Variants in NELL1 observed in about 807,000 individuals in gnomAD.
The protein encoded by NELL1 is protein kinase C-binding protein NELL1.
NELL1 carries 76 observed loss-of-function variants against 107.4 expected under a neutral mutation model. The observed-to-expected ratio is 0.71, with a 90% confidence interval of 0.59 to 0.86. The LOEUF is 0.86. NELL1 is among the 40% of genes least tolerant of loss of function. NELL1 has a pLI of 0.00. For synonymous variants in NELL1, 353 were observed against 341.2 expected (o/e 1.03, Z -0.38); for missense variants, 1,024 against 1,005.5 (o/e 1.02, Z -0.25).
chr11:21,309,280 G>GAA (rs1849683850), intron 14 of NELL1, among the ~76,000 whole-genome samples: 3 of 108,618 alleles, frequency 2.8e-5, no homozygotes, highest in Non-Finnish European at 5.7e-5. Flanking sequence ...ATATATATAT[G>GAA]TATATATATA....
At chr11:20,973,416 A>G (rs1158366243) in intron 12 of NELL1, among the ~76,000 whole-genome samples, 1 of 152,076 alleles carries the variant, frequency 6.6e-6, no homozygotes, top group Non-Finnish European at 1.5e-5. Context: ...CCTCTTCGTT[A>G]CTTTTTCTTA....
At chr11:21,439,954 G>T (rs1435370731) in intron 15 of NELL1, among the ~76,000 whole-genome samples, 1 of 152,006 alleles carries the variant, frequency 6.6e-6, no homozygotes, top group African/African-American at 2.4e-5. Context: ...TGCAGATAAA[G>T]AAAATAATGA....
At chr11:20,979,503 A>G (rs1851706759) in intron 12 of NELL1, among the ~76,000 whole-genome samples, 1 of 152,188 alleles carries the variant, frequency 6.6e-6, no homozygotes, top group Admixed American at 6.5e-5. Flanking sequence ...TTGCTCTGAA[A>G]TAATACCTGC....
chr11:21,003,509 G>A (rs1852268097), intron 12 of NELL1, among the ~76,000 whole-genome samples: 1 of 152,094 alleles, frequency 6.6e-6, no homozygotes. Flanking sequence ...TTTATTTTGT[G>A]GTACAGAGAC....
intron 11 of NELL1, among the ~76,000 whole-genome samples, chr11:20,956,224 A>G (rs890471566): frequency 1.3e-5 from 2 of 151,994 alleles, no homozygotes; most frequent in South Asian, 2.1e-4. Flanking sequence ...GTCTCAAAAC[A>G]AAACAAAACA....
In NELL1 at chr11:21,521,576, A is replaced by G. The variant is rs1564938424; in HGVS notation, c.1646-12798A>G. ...TAGAGGTTAAAATCTCTAGATTTGT[A>G]TTTTTTTCCTTTTGGTTCTTTTATT... On this transcript the variant is annotated intron_variant, in intron 15 of 19. Coordinates refer to ENST00000357134, the MANE Select transcript of NELL1 (RefSeq NM_006157.5). Among the ~76,000 whole-genome samples the G allele has an allele frequency of 3.3e-5, 5 of 151,906 alleles. No individual in the cohort carries two copies. In the South Asian group the frequency reaches 8.3e-4, roughly 25 times the overall value.
chr11:20,822,345 G>A (rs16906842), intron 3 of NELL1, among the ~76,000 whole-genome samples: 10,175 of 152,270 alleles, frequency 0.067, 342 homozygotes, highest in South Asian at 0.085. Context: ...TATAGCAGAT[G>A]GAAGCCATTA....
At chr11:20,981,242 A>C (rs1851743579) in intron 12 of NELL1, among the ~76,000 whole-genome samples, 1 of 152,218 alleles carries the variant, frequency 6.6e-6, no homozygotes, top group African/African-American at 2.4e-5. Flanking sequence ...GTATTTTGAC[A>C]ACTTTATTTA....
At chr11:21,045,835 A>T (rs978741235) in intron 12 of NELL1, among the ~76,000 whole-genome samples, 2 of 152,142 alleles carry the variant, frequency 1.3e-5, no homozygotes, top group African/African-American at 4.8e-5. Context: ...TTTAGTCATA[A>T]ATGCCTTTCC....
At chr11:20,992,709 ATT>A (rs56048576) in intron 12 of NELL1, among the ~76,000 whole-genome samples, 11,262 of 114,068 alleles carry the variant, frequency 0.099, 346 homozygotes, top group East Asian at 0.22. Flanking sequence ...CAAAAGTGGC[ATT>A]TTTTTTTTTT....
At chr11:21,474,892 TTCTG>T (rs1052221491) in intron 15 of NELL1, among the ~76,000 whole-genome samples, 2 of 152,184 alleles carry the variant, frequency 1.3e-5, no homozygotes, top group Non-Finnish European at 2.9e-5. Flanking sequence ...TTCTCTGTCT[TTCTG>T]TCTGTCTCTC....
At chr11:21,123,474 TTAGA>T (rs1418278006) in intron 13 of NELL1, among the ~76,000 whole-genome samples, 3 of 151,868 alleles carry the variant, frequency 2.0e-5, no homozygotes, top group Non-Finnish European at 4.4e-5. Context: ...AAAATGAAAA[TTAGA>T]TAGCAGTTAT....
At chr11:20,766,103 C>T (rs1856523248) in intron 2 of NELL1, among the ~76,000 whole-genome samples, 1 of 152,166 alleles carries the variant, frequency 6.6e-6, no homozygotes, top group Non-Finnish European at 1.5e-5. Context: ...TAAGCTGCAC[C>T]TAAGCTATTC....
intron 15 of NELL1, among the ~76,000 whole-genome samples, chr11:21,520,930 C>T (rs761480665): frequency 6.6e-6 from 1 of 152,232 alleles, no homozygotes; most frequent in African/African-American, 2.4e-5. Flanking sequence ...GCTATCCTGC[C>T]TCAGGGCAAA....
At chr11:21,504,841 C>T (rs1855240375) in intron 15 of NELL1, among the ~76,000 whole-genome samples, 1 of 152,130 alleles carries the variant, frequency 6.6e-6, no homozygotes, top group Non-Finnish European at 1.5e-5. Flanking sequence ...GCCACTCTAA[C>T]CCCTCTTCTC....
At chr11:21,276,262 CAGAG>C (rs1019975408) in intron 14 of NELL1, among the ~76,000 whole-genome samples, 167 of 152,178 alleles carry the variant, frequency 1.1e-3, no homozygotes, top group African/African-American at 3.7e-3. Context: ...CAATAACAGA[CAGAG>C]AGCCAAATCA....
intron 14 of NELL1, among the ~76,000 whole-genome samples, chr11:21,297,362 T>A (rs576035418): frequency 5.8e-4 from 88 of 152,178 alleles, no homozygotes; most frequent in African/African-American, 2.0e-3. Context: ...TTTAAATTTA[T>A]AAAACATGTA....
At chr11:21,561,726 G>T (rs779943412) in intron 17 of NELL1, among the ~76,000 whole-genome samples, 10 of 151,998 alleles carry the variant, frequency 6.6e-5, no homozygotes, top group Non-Finnish European at 1.3e-4. Flanking sequence ...ACTGAGCTCA[G>T]ACTTTCAACT....
At chr11:21,101,972 C>A (rs933460404) in intron 12 of NELL1, among the ~76,000 whole-genome samples, 1 of 152,134 alleles carries the variant, frequency 6.6e-6, no homozygotes, top group Non-Finnish European at 1.5e-5. Context: ...TCTGCCTCAG[C>A]CTCCTGAGTG....
Sources: allele counts gnomAD v4.1 joint callset (sites outside exome capture counted in the v4.1 genomes callset), GRCh38; gene constraint gnomAD v4.1.1; transcripts MANE v1.5; gene names NCBI Gene and HGNC (gene_info 2026-07-23, HGNC 2026-07-21).